The following MGA variants were observed in gnomAD, a reference collection of about 807,000 sequenced individuals.
The protein encoded by MGA is MAX dimerization protein MGA.
MGA carries 40 observed loss-of-function variants against 261.1 expected under a neutral mutation model. The observed-to-expected ratio is 0.15, with a 90% CI of 0.12 to 0.20. The LOEUF (loss-of-function observed/expected upper bound fraction) is 0.20. Among genes scored for constraint, MGA ranks in the 10% least tolerant of loss-of-function variants. The probability of loss-of-function intolerance (pLI) is 1.00; values close to 1 mark genes in which losing one functional copy is unlikely to be tolerated. For missense variants in MGA, 3,397 were observed against 3,630.5 expected (o/e 0.94, Z 1.65); for synonymous variants, 1,302 against 1,290.6 (o/e 1.01, Z -0.19).
upstream of MGA, among the ~76,000 whole-genome samples, chr15:41,656,859 C>T (rs116463819): frequency 0.033 from 4,984 of 152,260 alleles, 136 homozygotes; most frequent in South Asian, 0.069. Context: ...TCACTGTAGC[C>T]TCGACCTCCT....
At chr15:41,640,659 C>T (rs550305536) in intron 1 of MGA, among the ~76,000 whole-genome samples, 5 of 152,192 alleles carry the variant, frequency 3.3e-5, no homozygotes, top group African/African-American at 1.2e-4. Flanking sequence ...GCTGGGATTA[C>T]AGGCATACGC....
In MGA at chr15:41,748,877, G is replaced by A. The variant is rs1309775039; in HGVS notation, c.5453G>A (p.Arg1818Gln). 7.4e-6 allele frequency: 12 copies of A among 1,613,804 alleles called. No individual in the cohort carries two copies. Among genetic ancestry groups the A allele is most frequent in the Admixed American group, 3.3e-5 (2 of 59,988 alleles). ...CAGCTTCTACCTTTGCATCAGCTTC[G>A]AGGCTCTAATACCCAGCCCAACTTA... Residue 1818 changes from arginine to glutamine, a missense_variant, in exon 16 of 24, where the codon CGA (arginine) becomes CAA (glutamine). Physicochemically the swap from Arg to Gln is conservative, Grantham distance 43. Transcript: ENST00000219905.
rs1283943953 is a variant in MGA, at chr15:41,754,689, T to G, written c.7139+122T>G. 2.5e-6 allele frequency: 3 copies of G among 1,177,238 alleles called. 1 individual carries two copies. Among genetic ancestry groups the G allele is most frequent in the Non-Finnish European group, 3.4e-6 (3 of 873,966 alleles). 72.9% of individuals were successfully genotyped at this position (1,177,238 alleles called of 1,614,324 possible). On this transcript the variant is annotated intron_variant, in intron 18 of 23. Coordinates refer to ENST00000219905, the MANE Select transcript of MGA (RefSeq NM_001164273.2). ...TTCCTTCTTCCTCTAGCTTTTTTTC[T>G]GATTAGTATAGATGAGGAGAGGAAC...
At chr15:41,626,403 CTT>C (rs1659842810) in intron 1 of MGA, among the ~76,000 whole-genome samples, 1 of 151,110 alleles carries the variant, frequency 6.6e-6, no homozygotes, top group African/African-American at 2.4e-5. Flanking sequence ...CAGCTGCACA[CTT>C]GACTCTAAAA....
intron 2 of MGA, among the ~76,000 whole-genome samples, chr15:41,689,688 C>T (rs1385954611): frequency 6.6e-6 from 1 of 151,700 alleles, no homozygotes; most frequent in Non-Finnish European, 1.5e-5. Context: ...GCTTTAGCCT[C>T]CTGAGTAGCT....
chr15:41,761,908 A>G lies in MGA; in HGVS notation c.7510+58A>G, dbSNP rs553132274. 1.4e-4 allele frequency: 187 copies of G among 1,294,414 alleles called. No homozygotes were observed. The African/African-American group carries it at 2.6e-3, about 18-fold the overall frequency. 80.2% of individuals were successfully genotyped at this position (1,294,414 alleles called of 1,614,324 possible). On this transcript the variant is annotated intron_variant, in intron 21 of 23. Transcript: ENST00000219905. ...ATAATTATAGCTTTATCAAGAAGAA[A>G]TCCTCAGTAGATCTTTCAGATACTT...
intron 1 of MGA, among the ~76,000 whole-genome samples, chr15:41,650,314 C>T (rs1016636176): frequency 6.6e-6 from 1 of 152,138 alleles, no homozygotes; most frequent in Non-Finnish European, 1.5e-5. Context: ...ATAAGCTGTT[C>T]CTTCTCCTTA....
intron 2 of MGA, among the ~76,000 whole-genome samples, chr15:41,689,325 A>G (rs1281747482): frequency 9.0e-6 from 1 of 111,510 alleles, no homozygotes; most frequent in Non-Finnish European, 2.0e-5. Context: ...TTCTCTCCCT[A>G]CCTCTCTCCC....
intron 15 of MGA, among the ~76,000 whole-genome samples, chr15:41,747,411 A>G (rs2151901099): frequency 6.6e-6 from 1 of 152,286 alleles, no homozygotes; most frequent in South Asian, 2.1e-4. Context: ...TTAAAGTTAA[A>G]TTGTGCAGAA....
At chr15:41,740,025 C>G in intron 13 of MGA, 1 of 1,613,982 alleles carries the variant, frequency 6.2e-7, no homozygotes, top group Non-Finnish European at 8.5e-7. Flanking sequence ...TCCTGGACCT[C>G]TCAACCCTCA....
intron 2 of MGA, among the ~76,000 whole-genome samples, chr15:41,695,485 C>A (rs1362473970): frequency 6.6e-6 from 1 of 152,144 alleles, no homozygotes; most frequent in Non-Finnish European, 1.5e-5. Context: ...TCGCTCCTGC[C>A]CAATTTTTTA....
At chr15:41,731,507 A>G (rs77023888) in intron 11 of MGA, among the ~76,000 whole-genome samples, 2 of 152,182 alleles carry the variant, frequency 1.3e-5, no homozygotes, top group East Asian at 3.8e-4. Flanking sequence ...TTAATATACT[A>G]CTTTTACTTT....
intron 9 of MGA, among the ~76,000 whole-genome samples, chr15:41,724,180 C>T (rs1209544536): frequency 6.6e-6 from 1 of 152,150 alleles, no homozygotes; most frequent in Non-Finnish European, 1.5e-5. Context: ...TAATTAGCTA[C>T]ACTGAACAAG....
At chr15:41,714,110 T>C (rs1413918389) in intron 9 of MGA, among the ~76,000 whole-genome samples, 1 of 152,228 alleles carries the variant, frequency 6.6e-6, no homozygotes, top group Non-Finnish European at 1.5e-5. Context: ...GATTTTACCG[T>C]ATAATTGAAA....
chr15:41,754,312 T>C, intron 17 of MGA, 125 bp from the exon 18 acceptor site: 1 of 761,526 alleles, frequency 1.3e-6, no homozygotes, highest in Non-Finnish European at 2.0e-6. Flanking sequence ...CTTAGGATTA[T>C]CAGTACTCAT....
At chr15:41,733,797 G>A (rs2061635353) in intron 11 of MGA, among the ~76,000 whole-genome samples, 1 of 152,114 alleles carries the variant, frequency 6.6e-6, no homozygotes. Context: ...GTTAATAGAG[G>A]ATTTGATAAA....
chr15:41,668,941 C>A lies in MGA; in HGVS notation c.47C>A (p.Thr16Lys). The A allele has an allele frequency of 6.2e-7, 1 of 1,600,720 alleles. No individual in the cohort carries two copies. Among genetic ancestry groups the A allele is most frequent in the Non-Finnish European group, 8.5e-7 (1 of 1,170,238 alleles). ...ATATTGGCTAATCAAGATGGTGGAA[C>A]AGTGGCAGGAGCAGCACCTACCTTC... Residue 16 changes from threonine to lysine, a missense_variant, in exon 2 of 24, where the codon ACA becomes AAA. Thr to Lys is a moderately conservative substitution (Grantham distance 78). This residue lies in a region of MGA where 81 missense variants were observed against 84.3 expected (regional missense o/e 0.96). Coordinates refer to ENST00000219905, the MANE Select transcript of MGA (RefSeq NM_001164273.2).
intron 11 of MGA, among the ~76,000 whole-genome samples, chr15:41,732,209 C>T (rs1030957942): frequency 8.7e-5 from 13 of 150,254 alleles, no homozygotes; most frequent in South Asian, 2.1e-4. Context: ...AGTGCAGTGG[C>T]GCAACCTCAG....
chr15:41,661,589 T>C (rs2057404513), intron 1 of MGA, among the ~76,000 whole-genome samples: 1 of 151,936 alleles, frequency 6.6e-6, no homozygotes, highest in South Asian at 2.1e-4. Context: ...GAAACCAAAG[T>C]GCACTCTTTT....
Sources: allele counts gnomAD v4.1 joint callset (sites outside exome capture counted in the v4.1 genomes callset), GRCh38; gene constraint gnomAD v4.1.1; regional missense constraint gnomAD v4.1.1; transcripts MANE v1.5; gene names NCBI Gene and HGNC (gene_info 2026-07-23, HGNC 2026-07-21).